The following HTR1E variants were observed in gnomAD, a reference collection of about 807,000 sequenced individuals.
HTR1E encodes 5-hydroxytryptamine receptor 1E, also known as 5-HT-1E.
HTR1E carries 3 observed loss-of-function variants against 3.4 expected under a neutral mutation model. The observed-to-expected ratio is 0.89, with a 90% CI of 0.41 to 2.31. The LOEUF (loss-of-function observed/expected upper bound fraction) is 2.31. Among genes scored for constraint, HTR1E ranks in the 30% most tolerant of loss-of-function variants. HTR1E has a pLI of 0.05. For synonymous variants in HTR1E, 170 were observed against 182.8 expected (o/e 0.93, Z 0.56); for missense variants, 392 against 467.0 (o/e 0.84, Z 1.48).
At chr6:86,982,139 C>T (rs540208751) in intron 1 of HTR1E, among the ~76,000 whole-genome samples, 13 of 152,306 alleles carry the variant, frequency 8.5e-5, no homozygotes, top group African/African-American at 2.6e-4. Flanking sequence ...CCTGTCTTTA[C>T]GCACTAGAAC....
At chr6:87,004,798 T>G (rs1398432568) in intron 1 of HTR1E, among the ~76,000 whole-genome samples, 7 of 152,128 alleles carry the variant, frequency 4.6e-5, no homozygotes, top group Non-Finnish European at 1.5e-5. Flanking sequence ...AGAAGTCACA[T>G]TATCCTTGTT....
chr6:86,975,695 G>A (rs1450575273), intron 1 of HTR1E, among the ~76,000 whole-genome samples: 1 of 151,958 alleles, frequency 6.6e-6, no homozygotes, highest in Admixed American at 6.6e-5. Flanking sequence ...AAGAGATACT[G>A]GTAGGATTTT....
chr6:86,995,180 G>A (rs1050788806), intron 1 of HTR1E, among the ~76,000 whole-genome samples: 5 of 152,056 alleles, frequency 3.3e-5, no homozygotes, highest in East Asian at 1.9e-4. Context: ...ACCCGGAGCC[G>A]TGGCTCACAC....
Position 87,010,476 on chromosome 6 carries a change from C to T in HTR1E, c.-185-4674C>T, listed in dbSNP as rs563803524. On this transcript the variant is annotated intron_variant, in intron 1 of 1. Coordinates refer to ENST00000305344, the MANE Select transcript of HTR1E (RefSeq NM_000865.3). Reference sequence around the variant, plus strand: ...GCTCCTCACCTCCCAGACGGGGTCTCGGCCGGGCAGAGGCGCTCCTCACAT... The same window carrying T: ...GCTCCTCACCTCCCAGACGGGGTCTTGGCCGGGCAGAGGCGCTCCTCACAT... Among the ~76,000 whole-genome samples the T allele has an allele frequency of 2.5e-3, 377 of 148,834 alleles. 1 individual carries two copies. Among genetic ancestry groups the T allele is most frequent in the African/African-American group, 9.0e-3 (366 of 40,460 alleles).
intron 1 of HTR1E, among the ~76,000 whole-genome samples, chr6:86,976,803 TG>T (rs1438729905): frequency 6.6e-6 from 1 of 152,240 alleles, no homozygotes; most frequent in African/African-American, 2.4e-5. Flanking sequence ...ATGAAATCAT[TG>T]CCTTTTTATC....
At chr6:86,998,125 A>G (rs973779472) in intron 1 of HTR1E, among the ~76,000 whole-genome samples, 2 of 152,070 alleles carry the variant, frequency 1.3e-5, no homozygotes, top group African/African-American at 4.8e-5. Flanking sequence ...GGAGAAATTG[A>G]CATACCCACA....
intron 1 of HTR1E, among the ~76,000 whole-genome samples, chr6:87,011,655 G>A (rs1389289476): frequency 6.6e-6 from 1 of 152,216 alleles, no homozygotes. Context: ...ATGGCTGGAT[G>A]CTATTTTCTA....
At chr6:86,946,617 C>T (rs1196515168) in intron 1 of HTR1E, among the ~76,000 whole-genome samples, 1 of 152,172 alleles carries the variant, frequency 6.6e-6, no homozygotes, top group East Asian at 1.9e-4. Context: ...CTATATGTTT[C>T]AGCTTCTACT....
At chr6:86,981,417 T>C (rs1767709582) in intron 1 of HTR1E, among the ~76,000 whole-genome samples, 1 of 152,218 alleles carries the variant, frequency 6.6e-6, no homozygotes, top group Non-Finnish European at 1.5e-5. Context: ...ATTGCATAAA[T>C]TATGCTTACC....
chr6:86,999,103 G>A (rs1235305170), intron 1 of HTR1E, among the ~76,000 whole-genome samples: 1 of 152,054 alleles, frequency 6.6e-6, no homozygotes, highest in Non-Finnish European at 1.5e-5. Context: ...GGGATTACAG[G>A]AACAGGCAAC....
intron 1 of HTR1E, among the ~76,000 whole-genome samples, chr6:86,991,042 A>G (rs1237910549): frequency 6.6e-6 from 1 of 152,168 alleles, no homozygotes; most frequent in Non-Finnish European, 1.5e-5. Flanking sequence ...TTGACTTCTG[A>G]GATACTCTTC....
At chr6:87,003,605 C>T (rs113499759) in intron 1 of HTR1E, among the ~76,000 whole-genome samples, 16 of 150,136 alleles carry the variant, frequency 1.1e-4, no homozygotes, top group African/African-American at 3.9e-4. Context: ...AGAAACACAA[C>T]ATATCAAAAC....
chr6:86,995,080 T>C (rs1322703269), intron 1 of HTR1E, among the ~76,000 whole-genome samples: 1 of 151,508 alleles, frequency 6.6e-6, no homozygotes, highest in Non-Finnish European at 1.5e-5. Context: ...ACATAAACAG[T>C]GAAAACAAAT....
rs1002103541 is a variant in HTR1E at position 86,940,761 on chromosome 6, A to G, written c.-186+2938A>G. ...CAAATCTAACGCTCTAATGTGGGAA[A>G]GCATTCCCTCTATTTCTACAAGCTT... On this transcript the variant is annotated intron_variant, in intron 1 of 1. Transcript: ENST00000305344. Among the ~76,000 whole-genome samples the G allele has an allele frequency of 9.1e-4, 139 of 152,326 alleles. 1 individual carries two copies. Among genetic ancestry groups the G allele is most frequent in the African/African-American group, 3.2e-3 (132 of 41,570 alleles).
chr6:86,953,291 A>G (rs1488860303), intron 1 of HTR1E, among the ~76,000 whole-genome samples: 4 of 152,210 alleles, frequency 2.6e-5, no homozygotes, highest in Non-Finnish European at 5.9e-5. Context: ...TTAATGGCAT[A>G]AAATGGCACT....
intron 1 of HTR1E, among the ~76,000 whole-genome samples, chr6:86,948,172 T>C (rs979216020): frequency 7.2e-5 from 11 of 152,228 alleles, no homozygotes; most frequent in African/African-American, 2.4e-4. Flanking sequence ...CCGAGAATGA[T>C]GGCTTCCAGC....
At chr6:86,946,324 G>A (rs778281809) in intron 1 of HTR1E, among the ~76,000 whole-genome samples, 1 of 152,020 alleles carries the variant, frequency 6.6e-6, no homozygotes, top group East Asian at 1.9e-4. Flanking sequence ...CCCTTTCTAC[G>A]TTTAGATACA....
In HTR1E at chr6:86,983,650, C is replaced by G. The variant is rs147004993; in HGVS notation, c.-185-31500C>G. On this transcript the variant is annotated intron_variant, in intron 1 of 1. Transcript: ENST00000305344. ...ATTTTTATTGTACGTTTCAAAATAG[C>G]TAGAAGAGAAGATTTGGAATGTTTC... 1.8e-3 allele frequency among the ~76,000 whole-genome samples: 279 copies of G among 152,130 alleles called. 1 individual carries two copies. The highest frequency in any genetic ancestry group is 6.6e-3 in the African/African-American group (273 of 41,524).
At chr6:86,968,651 G>A (rs544614642) in intron 1 of HTR1E, among the ~76,000 whole-genome samples, 1 of 152,228 alleles carries the variant, frequency 6.6e-6, no homozygotes, top group South Asian at 2.1e-4. Context: ...TCTTTTATAG[G>A]TGGGTGTTCT....
Sources: gnomAD v4.1 joint callset for allele counts (sites outside exome capture counted in the v4.1 genomes callset) on GRCh38, gnomAD v4.1.1 for gene constraint, MANE v1.5 for transcripts, NCBI Gene and HGNC (gene_info 2026-07-23, HGNC 2026-07-21) for gene names.